PODXL2: variants seen among roughly 807,000 people sequenced by gnomAD.
The protein encoded by PODXL2 is podocalyxin like 2.
PODXL2 carries 17 observed loss-of-function variants against 53.4 expected under a neutral mutation model. The ratio of observed to expected loss-of-function variants is 0.32; its 90% CI spans 0.22 to 0.48. The LOEUF (loss-of-function observed/expected upper bound fraction) is 0.48. PODXL2 is among the 20% of genes least tolerant of loss of function. The pLI is 0.99. For synonymous variants in PODXL2, 311 were observed against 306.7 expected (o/e 1.01, Z -0.15); for missense variants, 673 against 760.0 (o/e 0.89, Z 1.35).
At chr3:127,632,959 C>T (rs2074556389) in intron 1 of PODXL2, among the ~76,000 whole-genome samples, 1 of 152,172 alleles carries the variant, frequency 6.6e-6, no homozygotes, top group East Asian at 1.9e-4. Context: ...ATTGGCAGTA[C>T]TACATGATTC....
In PODXL2 at chr3:127,632,274, G is replaced by C. The variant is rs9829640; in HGVS notation, c.70+2985G>C. Reference sequence around the variant, plus strand: ...GGGTGTAGACGGCAGCAGCCTCCCCGCCTGCCATGCCACAGCCTCTCCCTG... The same window carrying C: ...GGGTGTAGACGGCAGCAGCCTCCCCCCCTGCCATGCCACAGCCTCTCCCTG... On this transcript the variant is annotated intron_variant, in intron 1 of 7. Coordinates refer to ENST00000342480, the MANE Select transcript of PODXL2 (RefSeq NM_015720.4). Among the ~76,000 whole-genome samples the C allele has an allele frequency of 9.8e-3, 1,485 of 152,226 alleles. 33 individuals carry two copies. The highest frequency in any genetic ancestry group is 0.033 in the African/African-American group (1,375 of 41,530).
intron 2 of PODXL2, among the ~76,000 whole-genome samples, chr3:127,645,169 T>C (rs914558508): frequency 6.6e-6 from 1 of 152,240 alleles, no homozygotes; most frequent in Non-Finnish European, 1.5e-5. Flanking sequence ...AGCATGCATC[T>C]GATTAGCTCA....
At chr3:127,657,320 G>T (rs184283323) in intron 2 of PODXL2, among the ~76,000 whole-genome samples, 1 of 152,268 alleles carries the variant, frequency 6.6e-6, no homozygotes, top group Admixed American at 6.5e-5. Flanking sequence ...CTGCTGATGG[G>T]TGTGTCACCA....
At chr3:127,646,647 A>G (rs2107707277) in intron 2 of PODXL2, among the ~76,000 whole-genome samples, 1 of 152,228 alleles carries the variant, frequency 6.6e-6, no homozygotes, top group South Asian at 2.1e-4. Context: ...CGGCCGCCCA[A>G]AGTGCTGGGA....
At chr3:127,662,799 G>A (rs1295429696) in intron 4 of PODXL2, among the ~76,000 whole-genome samples, 6 of 152,178 alleles carry the variant, frequency 3.9e-5, no homozygotes, top group African/African-American at 1.4e-4. Flanking sequence ...TGGCTGGGCC[G>A]TATCACTTAG....
intron 2 of PODXL2, among the ~76,000 whole-genome samples, chr3:127,644,754 A>T (rs1005994565): frequency 6.6e-6 from 1 of 152,234 alleles, no homozygotes; most frequent in Non-Finnish European, 1.5e-5. Flanking sequence ...CCACAGCTGC[A>T]TACAGCTTGG....
At chr3:127,643,371 C>T (rs2074633355) in intron 2 of PODXL2, among the ~76,000 whole-genome samples, 1 of 151,992 alleles carries the variant, frequency 6.6e-6, no homozygotes, top group East Asian at 1.9e-4. Flanking sequence ...CCACCACGCC[C>T]AGCTAATTTT....
chr3:127,661,439 T>G (rs922359379), intron 3 of PODXL2, among the ~76,000 whole-genome samples: 2 of 142,190 alleles, frequency 1.4e-5, no homozygotes, highest in African/African-American at 5.3e-5. Context: ...ACATCTTTTG[T>G]TTTTTTTTTT....
At position 127,644,684 on chromosome 3, in the gene PODXL2, C is replaced by T. The variant is rs1576428669; in HGVS notation, c.349+5161C>T. ...CTAGGTCTCATAAGAATAAAAATAG[C>T]TCTCATTCATTGAATACCGGCTATG... On this transcript the variant is annotated intron_variant, in intron 2 of 7. Transcript: ENST00000342480. Among the ~76,000 whole-genome samples, 3 of 152,310 alleles carry T rather than the reference C, an allele frequency of 2.0e-5. No homozygotes were observed. The East Asian group carries it at 5.8e-4, about 29-fold the overall frequency.
intron 2 of PODXL2, among the ~76,000 whole-genome samples, chr3:127,659,110 C>T (rs916512044): frequency 2.6e-5 from 4 of 151,914 alleles, no homozygotes; most frequent in Admixed American, 6.6e-5. Flanking sequence ...TTCTGAGTGG[C>T]GTCTTATTTT....
At position 127,645,019 on chromosome 3, in the gene PODXL2, T is replaced by G. The variant is rs1035105677; in HGVS notation, c.349+5496T>G. Among the ~76,000 whole-genome samples, 4 of 152,238 alleles carry G rather than the reference T, an allele frequency of 2.6e-5. No individual in the cohort carries two copies. In the East Asian group the frequency reaches 5.8e-4, roughly 22 times the overall value. On this transcript the variant is annotated intron_variant, in intron 2 of 7. Coordinates refer to ENST00000342480, the MANE Select transcript of PODXL2 (RefSeq NM_015720.4). ...GTGAAAAAACTGGAGTTGCCCATCTTCTTCTCAAACAAACTAGCAAACAAA... is the reference window on the plus strand; with the variant it reads ...GTGAAAAAACTGGAGTTGCCCATCTGCTTCTCAAACAAACTAGCAAACAAA...
Position 127,662,221 on chromosome 3 carries a change from C to A in PODXL2, c.1132-16C>A, listed in dbSNP as rs1464635066. The A allele has an allele frequency of 1.7e-5, 27 of 1,611,184 alleles. No homozygotes were observed. The highest frequency in any genetic ancestry group is 2.3e-5 in the Non-Finnish European group (27 of 1,177,452). The stretch of plus-strand genomic sequence containing the variant: ...GCCTTCGTAACTGTCGCCCTTCTTT[C>A]TGTCTCCTCGCACAGGTGATCTGCA... On this transcript the variant is annotated splice_polypyrimidine_tract_variant and intron_variant, in intron 3 of 7. Transcript: ENST00000342480.
At position 127,660,597 on chromosome 3, in the gene PODXL2, T is replaced by C. The variant is rs1378227154; in HGVS notation, c.569T>C (p.Leu190Pro). 1 of 1,614,088 alleles carries C rather than the reference T, an allele frequency of 6.2e-7. No individual in the cohort carries two copies. Reference sequence around the variant, plus strand: ...GAGGAGGAGGAAGAGGAGGAGCTGCTCCCTGTGAATGGATCCCAAGAAGAA... The same window carrying C: ...GAGGAGGAGGAAGAGGAGGAGCTGCCCCCTGTGAATGGATCCCAAGAAGAA... ...KQEEEEEEEL[L>P]PVNGSQEEAK... is the part of the protein sequence containing the mutation. The change falls in exon 3 of 8, where the codon CTC (leucine) becomes CCC (proline). Residue 190 changes from leucine to proline, a missense_variant. Around this residue, in one of 3 missense-constraint regions of PODXL2, gnomAD observed 588 missense variants for 668.3 expected, o/e 0.88. Coordinates refer to ENST00000342480, the MANE Select transcript of PODXL2 (RefSeq NM_015720.4).
intron 2 of PODXL2, among the ~76,000 whole-genome samples, chr3:127,646,067 TCAAGTA>T (rs1011449640): frequency 2.6e-4 from 39 of 152,320 alleles, no homozygotes; most frequent in African/African-American, 8.9e-4. Flanking sequence ...CAATCTCAGA[TCAAGTA>T]CAAGTACATC....
At position 127,652,678 on chromosome 3, in the gene PODXL2, G is replaced by T. The variant is rs1478869973; in HGVS notation, c.350-7700G>T. On this transcript the variant is annotated intron_variant, in intron 2 of 7. Transcript: ENST00000342480. ...GTGTCTCCAGTGTGTCTCCCGGGCG[G>T]CTCGGCTTCCTCACACCTGTGTCCA... Among the ~76,000 whole-genome samples, 3 of 152,306 alleles carry T rather than the reference G, an allele frequency of 2.0e-5. No individual in the cohort carries two copies. In the East Asian group the frequency reaches 5.8e-4, roughly 29 times the overall value.
chr3:127,637,123 C>G (rs189854947), intron 1 of PODXL2, among the ~76,000 whole-genome samples: 130 of 152,258 alleles, frequency 8.5e-4, no homozygotes, highest in African/African-American at 2.6e-3. Context: ...CACACCCAGC[C>G]CCATCCTCTA....
At position 127,672,726 on chromosome 3, in the gene PODXL2, C is replaced by A. The variant is rs906500925; in HGVS notation, c.*246C>A. 9 of 416,588 alleles carry A rather than the reference C, an allele frequency of 2.2e-5. No homozygotes were observed. Among genetic ancestry groups the A allele is most frequent in the Non-Finnish European group, 4.2e-6 (1 of 240,070 alleles). The allele number at this position is 416,588 out of a possible 1,614,324, so 25.8% of individuals were successfully genotyped here. A position where few individuals can be genotyped will look rare whatever the true frequency, so the allele number is the denominator to read the frequency against. ...CCGCTTTCCCGCCCCTGAACCCCGG[C>A]CCCGCGGGCGGCGGGCGGCGCTTCC... On this transcript the variant is annotated 3_prime_UTR_variant, in exon 8 of 8. Transcript: ENST00000342480.
In PODXL2 at chr3:127,660,956, C is replaced by T. The variant is rs767782280; in HGVS notation, c.928C>T (p.Pro310Ser). Residue 310 changes from proline to serine, a missense_variant, in exon 3 of 8, where the codon CCT becomes TCT. This residue lies in a region of PODXL2 where 588 missense variants were observed against 668.3 expected (regional missense o/e 0.88). Transcript: ENST00000342480. Reference sequence around the variant, plus strand: ...GGAGGTGCCGGCCTTGCCTTCATTCCCTCAAACCACAGCTCCCAGTGGGGC... The same window carrying T: ...GGAGGTGCCGGCCTTGCCTTCATTCTCTCAAACCACAGCTCCCAGTGGGGC... The part of the protein sequence containing the change: ...HEEVPALPSF[P>S]QTTAPSGAEH... The T allele has an allele frequency of 1.9e-6, 3 of 1,614,250 alleles. No individual in the cohort carries two copies. Among genetic ancestry groups the T allele is most frequent in the Non-Finnish European group, 1.7e-6 (2 of 1,180,050 alleles).
intron 3 of PODXL2, 45 bp from the exon 4 acceptor site, chr3:127,662,192 C>T: frequency 1.3e-6 from 2 of 1,554,194 alleles, no homozygotes; most frequent in Non-Finnish European, 1.8e-6. Context: ...TGTCCCTTTC[C>T]TATGCCTTCG....
Sources: gnomAD v4.1 joint callset for allele counts (sites outside exome capture counted in the v4.1 genomes callset) on GRCh38, gnomAD v4.1.1 for gene constraint, gnomAD v4.1.1 regional missense constraint, MANE v1.5 for transcripts, NCBI Gene and HGNC (gene_info 2026-07-23, HGNC 2026-07-21) for gene names.